The following AK9 variants were observed in gnomAD, a reference collection of about 807,000 sequenced individuals.
AK9 encodes adenylate kinase 9, also known as adenylate kinase domain containing 1.
AK9 carries 191 observed loss-of-function variants against 239.6 expected under a neutral mutation model. That is an observed-to-expected ratio of 0.80 (90% CI 0.71 to 0.90). AK9 has a LOEUF of 0.90. Among genes scored for constraint, AK9 ranks in the 40% least tolerant of loss-of-function variants. The pLI is 0.00. For synonymous variants in AK9, 689 were observed against 721.0 expected (o/e 0.96, Z 0.71); for missense variants, 1,995 against 2,214.7 (o/e 0.90, Z 1.99).
intron 26 of AK9, among the ~76,000 whole-genome samples, chr6:109,544,751 G>T: frequency 6.6e-6 from 1 of 152,170 alleles, no homozygotes; most frequent in East Asian, 1.9e-4. Flanking sequence ...CGAGAGAACA[G>T]ATTAATACAG....
chr6:109,510,760 G>A (rs60907467), intron 32 of AK9, among the ~76,000 whole-genome samples: 4 of 152,178 alleles, frequency 2.6e-5, no homozygotes, highest in African/African-American at 9.7e-5. Flanking sequence ...GGGCAAAAGT[G>A]CTGCAGCCAC....
intron 24 of AK9, among the ~76,000 whole-genome samples, chr6:109,556,058 A>G (rs1378899549): frequency 6.6e-6 from 1 of 151,898 alleles, no homozygotes; most frequent in Non-Finnish European, 1.5e-5. Flanking sequence ...TCATGATGCT[A>G]TTTGCTTATT....
intron 29 of AK9, among the ~76,000 whole-genome samples, chr6:109,517,609 T>C (rs773680578): frequency 5.9e-5 from 9 of 152,176 alleles, no homozygotes; most frequent in Non-Finnish European, 1.0e-4. Flanking sequence ...TAGAAAAATG[T>C]CTGGCATATG....
At chr6:109,531,976 G>A (rs977647715) in intron 28 of AK9, among the ~76,000 whole-genome samples, 2 of 152,298 alleles carry the variant, frequency 1.3e-5, no homozygotes, top group African/African-American at 4.8e-5. Context: ...TGGCCTTGAA[G>A]GGATTTCCTC....
intron 24 of AK9, among the ~76,000 whole-genome samples, chr6:109,559,167 G>GGTT (rs367675900): frequency 1.1e-4 from 16 of 145,308 alleles, no homozygotes; most frequent in Non-Finnish European, 1.8e-4. Flanking sequence ...ATATCTATCT[G>GGTT]TTTTTTTTTT....
chr6:109,526,684 C>T (rs1288345140), intron 29 of AK9, among the ~76,000 whole-genome samples: 1 of 152,180 alleles, frequency 6.6e-6, no homozygotes, highest in Non-Finnish European at 1.5e-5. Context: ...TGCTCATTAT[C>T]TAGATCCCAA....
intron 13 of AK9, among the ~76,000 whole-genome samples, chr6:109,614,811 A>T (rs1434256926): frequency 6.6e-6 from 1 of 152,176 alleles, no homozygotes. Context: ...TGTTAAAAAA[A>T]CCTCAATATT....
chr6:109,556,994 C>T (rs867600232), intron 24 of AK9, among the ~76,000 whole-genome samples: 1 of 151,990 alleles, frequency 6.6e-6, no homozygotes, highest in Non-Finnish European at 1.5e-5. Context: ...TCAGTTCATC[C>T]ATCTGATCCT....
At chr6:109,686,296 G>T (rs6918140) in intron 1 of AK9, among the ~76,000 whole-genome samples, 1 of 152,080 alleles carries the variant, frequency 6.6e-6, no homozygotes, top group Non-Finnish European at 1.5e-5. Context: ...AAAGTTTGAA[G>T]GTCTTATTAC....
At chr6:109,569,723 C>T (rs990190008) in intron 21 of AK9, among the ~76,000 whole-genome samples, 16 of 152,126 alleles carry the variant, frequency 1.1e-4, no homozygotes, top group Admixed American at 7.9e-4. Flanking sequence ...ATCAAAACCA[C>T]GATGAGATAC....
At chr6:109,686,715 C>G (rs1316009334) in intron 1 of AK9, among the ~76,000 whole-genome samples, 2 of 152,174 alleles carry the variant, frequency 1.3e-5, no homozygotes, top group African/African-American at 4.8e-5. Context: ...GAATAATTCC[C>G]CATTCAAAAA....
intron 28 of AK9, among the ~76,000 whole-genome samples, chr6:109,530,986 T>C (rs182930342): frequency 2.8e-4 from 42 of 152,122 alleles, no homozygotes; most frequent in African/African-American, 9.6e-4. Context: ...GAGGTTGCAA[T>C]GAGCTGAGAT....
At chr6:109,593,395 C>A (rs1206035296) in intron 17 of AK9, among the ~76,000 whole-genome samples, 4 of 151,898 alleles carry the variant, frequency 2.6e-5, no homozygotes, top group African/African-American at 9.7e-5. Flanking sequence ...CAAAAAAAGC[C>A]CAGGACCAGA....
At chr6:109,616,791 C>G (rs1794239529) in intron 13 of AK9, among the ~76,000 whole-genome samples, 1 of 151,998 alleles carries the variant, frequency 6.6e-6, no homozygotes, top group South Asian at 2.1e-4. Flanking sequence ...ATTTGACATT[C>G]TAGAATTGCT....
At chr6:109,592,301 G>A (rs954983220) in intron 17 of AK9, among the ~76,000 whole-genome samples, 8 of 152,010 alleles carry the variant, frequency 5.3e-5, no homozygotes, top group Non-Finnish European at 2.9e-5. Flanking sequence ...GTTATCTCAG[G>A]GTAAACACTG....
intron 19 of AK9, among the ~76,000 whole-genome samples, chr6:109,584,220 CT>C (rs1205841819): frequency 2.6e-5 from 4 of 152,076 alleles, no homozygotes; most frequent in African/African-American, 9.7e-5. Flanking sequence ...TTAAACTGCT[CT>C]CTACCTCTGT....
At chr6:109,574,163 TA>T (rs1423622374) in intron 20 of AK9, among the ~76,000 whole-genome samples, 1 of 152,154 alleles carries the variant, frequency 6.6e-6, no homozygotes, top group African/African-American at 2.4e-5. Flanking sequence ...TACAGCTAAC[TA>T]AAAATAATAA....
At chr6:109,580,308 T>C (rs764987677) in intron 19 of AK9, among the ~76,000 whole-genome samples, 5 of 152,104 alleles carry the variant, frequency 3.3e-5, no homozygotes, top group Non-Finnish European at 7.4e-5. Context: ...CAAACCGGCC[T>C]TAACGATGGT....
intron 10 of AK9, among the ~76,000 whole-genome samples, chr6:109,634,915 G>C (rs1206417505): frequency 6.6e-6 from 1 of 152,224 alleles, no homozygotes; most frequent in Non-Finnish European, 1.5e-5. Context: ...AGCAGACCAT[G>C]TTCCTCTCTC....
Sources: allele counts gnomAD v4.1 joint callset (sites outside exome capture counted in the v4.1 genomes callset), GRCh38; gene constraint gnomAD v4.1.1; transcripts MANE v1.5; gene names NCBI Gene and HGNC (gene_info 2026-07-23, HGNC 2026-07-21).